KCNU1: variants seen among roughly 807,000 people sequenced by gnomAD.
KCNU1 encodes potassium calcium-activated channel subfamily U member 1, also known as potassium channel subfamily U member 1.
Under a neutral mutation model 126.8 loss-of-function variants are expected in KCNU1, and 93 were observed. That is an observed-to-expected ratio of 0.73 (90% confidence interval 0.62 to 0.87). The LOEUF is 0.87. Ranked by LOEUF, KCNU1 falls within the 40% of genes least tolerant of loss-of-function variation. KCNU1 has a pLI of 0.00. For synonymous variants in KCNU1, 523 were observed against 494.2 expected (o/e 1.06, Z -0.77); for missense variants, 1,330 against 1,367.1 (o/e 0.97, Z 0.43).
chr8:36,885,413 G>T, intron 19 of KCNU1, among the ~76,000 whole-genome samples: 1 of 152,028 alleles, frequency 6.6e-6, no homozygotes, highest in East Asian at 1.9e-4. Flanking sequence ...AAATTAGCAG[G>T]GCATGTTGGT....
chr8:36,875,953 C>T (rs367654281), intron 19 of KCNU1, among the ~76,000 whole-genome samples: 3 of 152,266 alleles, frequency 2.0e-5, no homozygotes, highest in Admixed American at 6.5e-5. Flanking sequence ...TCTCACTTGA[C>T]TTCTGTTTTA....
intron 18 of KCNU1, among the ~76,000 whole-genome samples, chr8:36,854,159 AG>A (rs1805449082): frequency 1.3e-5 from 2 of 152,104 alleles, no homozygotes; most frequent in African/African-American, 4.8e-5. Flanking sequence ...TCTGTCTTTG[AG>A]TCTTACATTT....
chr8:36,933,738 G>T (rs1402002396), intron 26 of KCNU1, among the ~76,000 whole-genome samples: 2 of 152,098 alleles, frequency 1.3e-5, no homozygotes, highest in African/African-American at 2.4e-5. Context: ...AAGTGGAGTG[G>T]TCTTGAATAG....
intron 16 of KCNU1, among the ~76,000 whole-genome samples, chr8:36,841,544 T>C (rs1585443886): frequency 6.6e-6 from 1 of 151,940 alleles, no homozygotes; most frequent in East Asian, 1.9e-4. Context: ...ATACAAAAAT[T>C]AGCAGGACAT....
At position 36,854,138 on chromosome 8, in the gene KCNU1, C is replaced by T. The variant is rs942621908; in HGVS notation, c.1891+8239C>T. On this transcript the variant is annotated intron_variant, in intron 18 of 26. Coordinates refer to ENST00000399881, the MANE Select transcript of KCNU1 (RefSeq NM_001031836.3). Reference sequence around the variant, plus strand: ...CGATGAGTCACTTCTGTCTTGCTGACTTGAAGACCCTCTGTCTTTGAGTCT... The same window carrying T: ...CGATGAGTCACTTCTGTCTTGCTGATTTGAAGACCCTCTGTCTTTGAGTCT... Among the ~76,000 whole-genome samples, 10 of 152,132 alleles carry T rather than the reference C, an allele frequency of 6.6e-5. No homozygotes were observed. In the East Asian group the frequency reaches 7.7e-4, roughly 12 times the overall value.
intron 22 of KCNU1, among the ~76,000 whole-genome samples, chr8:36,912,104 G>A (rs762634904): frequency 6.6e-6 from 1 of 152,138 alleles, no homozygotes; most frequent in Admixed American, 6.5e-5. Flanking sequence ...TCAAGATCAG[G>A]TACTCAATCC....
intron 18 of KCNU1, among the ~76,000 whole-genome samples, chr8:36,850,455 CTT>C (rs35954286): frequency 6.9e-6 from 1 of 143,892 alleles, no homozygotes; most frequent in Non-Finnish European, 1.5e-5. Context: ...AATCGGTGAT[CTT>C]TTTTTTTTTT....
chr8:36,835,154 C>A (rs1056973781), intron 12 of KCNU1, among the ~76,000 whole-genome samples: 4 of 152,160 alleles, frequency 2.6e-5, no homozygotes, highest in African/African-American at 9.7e-5. Context: ...ATACAAATAA[C>A]TGATTATTGT....
intron 19 of KCNU1, among the ~76,000 whole-genome samples, chr8:36,887,113 T>C (rs764821423): frequency 7.9e-5 from 12 of 152,306 alleles, no homozygotes; most frequent in Non-Finnish European, 1.2e-4. Context: ...AACATATGTG[T>C]GCAGGGGTCT....
At chr8:36,819,179 A>G (rs1254945024) in intron 10 of KCNU1, among the ~76,000 whole-genome samples, 2 of 152,112 alleles carry the variant, frequency 1.3e-5, no homozygotes, top group African/African-American at 4.8e-5. Flanking sequence ...AAAAATTTAC[A>G]TCTTCTCTTA....
At chr8:36,928,364 GC>G (rs1329013836) in intron 24 of KCNU1, among the ~76,000 whole-genome samples, 1 of 151,964 alleles carries the variant, frequency 6.6e-6, no homozygotes, top group Admixed American at 6.6e-5. Flanking sequence ...CTACACTATG[GC>G]CACATGTTCT....
Position 36,929,753 on chromosome 8 carries a change from G to A in KCNU1, c.2737-1198G>A, listed in dbSNP as rs979735595. The stretch of plus-strand genomic sequence containing the variant: ...TGGAGGAAACAAGCCTGGGAAGGGG[G>A]ACTGCATCAGATCCTGAAAGTTTTG... On this transcript the variant is annotated intron_variant, in intron 24 of 26. Coordinates refer to ENST00000399881, the MANE Select transcript of KCNU1 (RefSeq NM_001031836.3). Among the ~76,000 whole-genome samples the A allele has an allele frequency of 3.3e-5, 5 of 152,078 alleles. No homozygotes were observed. The South Asian group carries it at 1.0e-3, about 31-fold the overall frequency.
chr8:36,858,176 CAAAAAAA>C (rs67265944), intron 18 of KCNU1, among the ~76,000 whole-genome samples: 4 of 73,046 alleles, frequency 5.5e-5, no homozygotes, highest in South Asian at 5.9e-4. Flanking sequence ...TCAAGGATGG[CAAAAAAA>C]AAAAAAAAAA....
chr8:36,873,956 A>G (rs1388747325), intron 19 of KCNU1, among the ~76,000 whole-genome samples: 1 of 152,218 alleles, frequency 6.6e-6, no homozygotes, highest in Non-Finnish European at 1.5e-5. Flanking sequence ...CTGCTGAAAT[A>G]TCATTATTAA....
At chr8:36,867,827 C>A (rs1019034842) in intron 19 of KCNU1, among the ~76,000 whole-genome samples, 1 of 152,118 alleles carries the variant, frequency 6.6e-6, no homozygotes, top group African/African-American at 2.4e-5. Context: ...TTAAAGCAGG[C>A]ATCTAAAGGG....
intron 7 of KCNU1, among the ~76,000 whole-genome samples, chr8:36,809,419 C>G (rs893232347): frequency 6.6e-6 from 1 of 152,140 alleles, no homozygotes. Flanking sequence ...CCCGCAAAAG[C>G]CTTTGAGATA....
intron 19 of KCNU1, chr8:36,888,910 G>A (rs755105575): frequency 1.7e-5 from 7 of 406,792 alleles, no homozygotes; most frequent in African/African-American, 4.2e-5. Flanking sequence ...ATAGGGTCTC[G>A]CTCTGTCACC....
In KCNU1 at chr8:36,806,384, AGT is replaced by A. The variant is rs764662062; in HGVS notation, c.580+8_580+9del. 3.1e-5 allele frequency: 46 copies of A among 1,500,886 alleles called. No individual in the cohort carries two copies. Among genetic ancestry groups the A allele is most frequent in the Non-Finnish European group, 4.2e-5 (45 of 1,084,118 alleles). The allele number at this position is 1,500,886 out of a possible 1,614,324, so 93.0% of individuals were successfully genotyped here. A position where few individuals can be genotyped will look rare whatever the true frequency, so the allele number is the denominator to read the frequency against. ...TATTTGAAGAGCAATTGGCTAGGTAAGTGTGCTCTGGGAACGGGTAGCAATAT... is the reference window on the plus strand; with the variant it reads ...TATTTGAAGAGCAATTGGCTAGGTAAGTGCTCTGGGAACGGGTAGCAATAT... On this transcript the variant is annotated splice_donor_5th_base_variant and intron_variant, in intron 5 of 26. Transcript: ENST00000399881.
At chr8:36,798,001 A>G (rs1462076642) in intron 2 of KCNU1, among the ~76,000 whole-genome samples, 1 of 152,232 alleles carries the variant, frequency 6.6e-6, no homozygotes, top group East Asian at 1.9e-4. Context: ...CCTAGAGGTC[A>G]GAAAAGGGAA....
Sources: gnomAD v4.1 joint callset for allele counts (sites outside exome capture counted in the v4.1 genomes callset) on GRCh38, gnomAD v4.1.1 for gene constraint, MANE v1.5 for transcripts, NCBI Gene and HGNC (gene_info 2026-07-23, HGNC 2026-07-21) for gene names.